The following VKORC1L1 variants were observed in gnomAD, a reference collection of about 807,000 sequenced individuals.
VKORC1L1 encodes vitamin K epoxide reductase complex subunit 1-like protein 1.
In VKORC1L1, 2 loss-of-function variants were observed where a neutral mutation model predicts 18.9. The observed-to-expected ratio is 0.11, with a 90% CI of 0.04 to 0.33. The LOEUF is 0.33. Among genes scored for constraint, VKORC1L1 ranks in the 10% least tolerant of loss-of-function variants. The pLI is 1.00. For missense variants in VKORC1L1, 123 were observed against 224.1 expected, an observed-to-expected ratio of 0.55 and a Z score of 2.88; for synonymous variants, 96 against 100.0, an observed-to-expected ratio of 0.96 and a Z score of 0.24.
chr7:65,899,157 A>G (rs1425923262), intron 1 of VKORC1L1, among the ~76,000 whole-genome samples: 3 of 152,252 alleles, frequency 2.0e-5, no homozygotes, highest in Admixed American at 6.5e-5. Flanking sequence ...CTTTCTGCCA[A>G]AGTGCCATTT....
At chr7:65,881,694 A>G (rs1389645772) in intron 1 of VKORC1L1, among the ~76,000 whole-genome samples, 1 of 152,132 alleles carries the variant, frequency 6.6e-6, no homozygotes, top group Non-Finnish European at 1.5e-5. Flanking sequence ...ACCTGAATAA[A>G]CTCAGGATTG....
At chr7:65,931,815 T>C (rs1328993036) in intron 1 of VKORC1L1, among the ~76,000 whole-genome samples, 1 of 151,970 alleles carries the variant, frequency 6.6e-6, no homozygotes. Flanking sequence ...CTACTTTTTA[T>C]ATTTTTAGTA....
intron 1 of VKORC1L1, among the ~76,000 whole-genome samples, chr7:65,888,951 AG>A (rs1194352414): frequency 6.6e-6 from 1 of 152,190 alleles, no homozygotes; most frequent in Non-Finnish European, 1.5e-5. Context: ...CCTGCTGAGT[AG>A]TACCCATAAT....
At chr7:65,925,835 T>C (rs1009767181) in intron 1 of VKORC1L1, among the ~76,000 whole-genome samples, 12 of 152,026 alleles carry the variant, frequency 7.9e-5, no homozygotes, top group African/African-American at 2.9e-4. Context: ...AGAAATTGTA[T>C]AAAACCACAG....
At chr7:65,881,391 C>T (rs1342289392) in intron 1 of VKORC1L1, among the ~76,000 whole-genome samples, 1 of 152,010 alleles carries the variant, frequency 6.6e-6, no homozygotes, top group Admixed American at 6.6e-5. Context: ...AAGTGAGAAC[C>T]CTAAAAGATT....
chr7:65,925,246 G>GAAT (rs1325881214), intron 1 of VKORC1L1, among the ~76,000 whole-genome samples: 2 of 152,148 alleles, frequency 1.3e-5, no homozygotes, highest in African/African-American at 4.8e-5. Flanking sequence ...TTTGTCCCTT[G>GAAT]AATGGCCTCA....
intron 1 of VKORC1L1, among the ~76,000 whole-genome samples, chr7:65,902,774 G>C (rs1358947838): frequency 6.6e-6 from 1 of 152,038 alleles, no homozygotes; most frequent in African/African-American, 2.4e-5. Flanking sequence ...CATGTACAGA[G>C]TAACAGAGAT....
intron 1 of VKORC1L1, among the ~76,000 whole-genome samples, chr7:65,876,968 C>G (rs1432318921): frequency 3.9e-5 from 6 of 152,098 alleles, no homozygotes; most frequent in Non-Finnish European, 7.3e-5. Context: ...ATCACTTGAG[C>G]CTGAGAGGCT....
intron 1 of VKORC1L1, among the ~76,000 whole-genome samples, chr7:65,906,903 C>T (rs1198442021): frequency 2.0e-5 from 3 of 152,158 alleles, no homozygotes; most frequent in East Asian, 1.9e-4. Context: ...TGCTTACGCT[C>T]AGGTTGGGGA....
At chr7:65,887,810 GT>G (rs201110726) in intron 1 of VKORC1L1, among the ~76,000 whole-genome samples, 5 of 150,910 alleles carry the variant, frequency 3.3e-5, no homozygotes, top group Non-Finnish European at 5.9e-5. Flanking sequence ...TTTTAATTTT[GT>G]TTTTTTTCCT....
chr7:65,886,010 A>C (rs1789005365), intron 1 of VKORC1L1, among the ~76,000 whole-genome samples: 1 of 152,198 alleles, frequency 6.6e-6, no homozygotes, highest in South Asian at 2.1e-4. Context: ...GTATCTGTTT[A>C]TTCTGGAGTT....
At chr7:65,916,969 A>G (rs967993385) in intron 1 of VKORC1L1, among the ~76,000 whole-genome samples, 2 of 152,170 alleles carry the variant, frequency 1.3e-5, no homozygotes, top group African/African-American at 4.8e-5. Flanking sequence ...TCAGGACTTC[A>G]GAGTGTTTAT....
intron 1 of VKORC1L1, among the ~76,000 whole-genome samples, chr7:65,879,651 G>A (rs975127311): frequency 4.8e-5 from 1 of 21,016 alleles, no homozygotes; most frequent in Non-Finnish European, 7.9e-5. Context: ...CTACTCTTTC[G>A]TCTTCCTTTC....
At chr7:65,896,799 G>A (rs1274193521) in intron 1 of VKORC1L1, among the ~76,000 whole-genome samples, 1 of 152,060 alleles carries the variant, frequency 6.6e-6, no homozygotes, top group African/African-American at 2.4e-5. Flanking sequence ...CCAAGAGTTC[G>A]AGACCAGCCT....
chr7:65,875,050 T>G (rs1788802867), intron 1 of VKORC1L1, among the ~76,000 whole-genome samples: 1 of 152,208 alleles, frequency 6.6e-6, no homozygotes, highest in Admixed American at 6.6e-5. Flanking sequence ...TGTTTCATTG[T>G]GTAGCTGTGG....
Position 65,948,676 on chromosome 7 carries a change from G to A in VKORC1L1, c.200G>A (p.Gly67Asp), listed in dbSNP as rs759417387. The A allele has an allele frequency of 8.6e-7, 1 of 1,167,336 alleles. No homozygotes were observed. Among genetic ancestry groups the A allele is most frequent in the Non-Finnish European group, 1.2e-6 (1 of 834,312 alleles). The allele number at this position is 1,167,336 out of a possible 1,614,324, so 72.3% of individuals were successfully genotyped here. ...TGGTTTTCCTTATTTTACAGATGGG[G>A]TCGAGGATTTGGTCTTTTGGGTTCC... ...KCSAALASRW[G>D]RGFGLLGSIF... Residue 67 changes from glycine (G) to aspartate (D), a missense_variant, in exon 2 of 3, where the codon GGT becomes GAT. Physicochemically the swap from Gly to Asp is moderately conservative, Grantham distance 94. Coordinates refer to ENST00000360768, the MANE Select transcript of VKORC1L1 (RefSeq NM_173517.6).
intron 1 of VKORC1L1, among the ~76,000 whole-genome samples, chr7:65,894,826 A>G (rs566559875): frequency 6.6e-6 from 1 of 152,364 alleles, no homozygotes; most frequent in Non-Finnish European, 1.5e-5. Context: ...CAGGAGGATC[A>G]CTTGAGCCCA....
the VKORC1L1 span, among the ~76,000 whole-genome samples, chr7:65,865,859 C>T: frequency 5.9e-5 from 9 of 151,848 alleles, no homozygotes; most frequent in African/African-American, 1.5e-4. Flanking sequence ...CCGTGGCTCA[C>T]GCCTATAATC....
At chr7:65,930,443 G>A (rs1375929257) in intron 1 of VKORC1L1, among the ~76,000 whole-genome samples, 1 of 152,222 alleles carries the variant, frequency 6.6e-6, no homozygotes, top group African/African-American at 2.4e-5. Flanking sequence ...TATTTGGCTT[G>A]CTGTGCTTGT....
Sources: gnomAD v4.1 joint callset for allele counts (sites outside exome capture counted in the v4.1 genomes callset) on GRCh38, gnomAD v4.1.1 for gene constraint, MANE v1.5 for transcripts, NCBI Gene and HGNC (gene_info 2026-07-23, HGNC 2026-07-21) for gene names.